The following PDE1C variants were observed in gnomAD, a reference collection of about 807,000 sequenced individuals.
PDE1C encodes the protein dual specificity calcium/calmodulin-dependent 3',5'-cyclic nucleotide phosphodiesterase 1C.
A neutral mutation model predicts 93.1 loss-of-function variants in PDE1C; 62 were observed. The ratio of observed to expected loss-of-function variants is 0.67; its 90% CI spans 0.54 to 0.82. The LOEUF is 0.82. Among genes scored for constraint, PDE1C ranks in the 40% least tolerant of loss-of-function variants. The pLI is 0.00. For synonymous variants in PDE1C, 325 were observed against 310.1 expected (o/e 1.05, Z -0.50); for missense variants, 742 against 884.6 (o/e 0.84, Z 2.04).
intron 1 of PDE1C, among the ~76,000 whole-genome samples, chr7:32,341,173 C>A (rs373950781): frequency 1.2e-5 from 1 of 84,952 alleles, no homozygotes; most frequent in Non-Finnish European, 2.1e-5. Context: ...GAAATAAAGT[C>A]TTTTTTTTTT....
chr7:32,254,276 A>G (rs1440378661), intron 1 of PDE1C, among the ~76,000 whole-genome samples: 1 of 152,164 alleles, frequency 6.6e-6, no homozygotes, highest in Non-Finnish European at 1.5e-5. Context: ...TGGAGGTCCT[A>G]TGTTATGCAG....
upstream of PDE1C, chr7:32,071,245 G>A: frequency 1.0e-6 from 1 of 985,476 alleles, no homozygotes; most frequent in Non-Finnish European, 1.2e-6. Context: ...TAGGAGGGAA[G>A]GGAAATCCTT....
chr7:31,879,907 A>AT (rs912955304), intron 3 of PDE1C, among the ~76,000 whole-genome samples: 569 of 150,742 alleles, frequency 3.8e-3, no homozygotes, highest in African/African-American at 0.013. Context: ...AGGTGTTTGG[A>AT]TTTTTTTTTT....
intron 7 of PDE1C, among the ~76,000 whole-genome samples, chr7:31,863,010 CAT>C (rs1794860398): frequency 6.6e-6 from 1 of 152,092 alleles, no homozygotes; most frequent in Admixed American, 6.6e-5. Context: ...TATCATGTTT[CAT>C]ATTAAAATCC....
intron 3 of PDE1C, among the ~76,000 whole-genome samples, chr7:32,100,208 A>G (rs1289727949): frequency 6.6e-6 from 1 of 152,156 alleles, no homozygotes; most frequent in Non-Finnish European, 1.5e-5. Context: ...GGAAATCAAC[A>G]TTTCTATATG....
chr7:32,287,929 G>A (rs540686550), intron 1 of PDE1C, among the ~76,000 whole-genome samples: 4 of 152,196 alleles, frequency 2.6e-5, no homozygotes, highest in South Asian at 2.1e-4. Flanking sequence ...CTGGCTGGGC[G>A]CAGTGCCTCA....
At chr7:31,834,869 A>G (rs1790861405) in intron 11 of PDE1C, among the ~76,000 whole-genome samples, 1 of 152,084 alleles carries the variant, frequency 6.6e-6, no homozygotes, top group South Asian at 2.1e-4. Context: ...GGGTGGAATG[A>G]CATGGTTTGG....
At chr7:32,326,672 A>G (rs2128075312) in intron 1 of PDE1C, among the ~76,000 whole-genome samples, 1 of 152,344 alleles carries the variant, frequency 6.6e-6, no homozygotes, top group Non-Finnish European at 1.5e-5. Context: ...AACCTGGATT[A>G]GAGTAGGTTT....
intron 2 of PDE1C, among the ~76,000 whole-genome samples, chr7:32,021,413 G>C (rs938359957): frequency 3.3e-5 from 5 of 152,078 alleles, no homozygotes; most frequent in African/African-American, 1.2e-4. Flanking sequence ...CTAGCTTTGA[G>C]TATGTTCTTT....
chr7:32,310,216 A>G (rs1585101793), intron 1 of PDE1C, among the ~76,000 whole-genome samples: 2 of 151,934 alleles, frequency 1.3e-5, no homozygotes, highest in African/African-American at 4.8e-5. Context: ...CTAAATATAT[A>G]TGCACCCAAT....
At chr7:32,389,192 T>TGTGTGG (rs1784703445) in intron 1 of PDE1C, among the ~76,000 whole-genome samples, 1 of 22,190 alleles carries the variant, frequency 4.5e-5, no homozygotes, top group East Asian at 1.6e-3. Context: ...GTGTGTGTGG[T>TGTGTGG]TTTTTTGGTT....
the PDE1C span, among the ~76,000 whole-genome samples, chr7:31,686,241 C>T: frequency 4.6e-5 from 7 of 152,188 alleles, no homozygotes; most frequent in Admixed American, 2.0e-4. Flanking sequence ...CCTGATCTCC[C>T]AGACTGGCCT....
intron 2 of PDE1C, among the ~76,000 whole-genome samples, chr7:32,197,062 A>T (rs1008566488): frequency 3.3e-5 from 5 of 152,194 alleles, no homozygotes; most frequent in African/African-American, 1.2e-4. Context: ...TAAGTTTGGC[A>T]GTTTTTTTGT....
chr7:32,123,377 C>T (rs1006268745), intron 3 of PDE1C, among the ~76,000 whole-genome samples: 2 of 151,852 alleles, frequency 1.3e-5, no homozygotes, highest in African/African-American at 2.4e-5. Context: ...CAGCATCATC[C>T]TGATACCAAA....
chr7:31,686,002 G>A, the PDE1C span, among the ~76,000 whole-genome samples: 1 of 152,212 alleles, frequency 6.6e-6, no homozygotes, highest in Non-Finnish European at 1.5e-5. Context: ...ATCCTGGCAA[G>A]TGGGAGGGAG....
At chr7:32,118,551 A>T (rs1246040838) in intron 3 of PDE1C, among the ~76,000 whole-genome samples, 1 of 152,322 alleles carries the variant, frequency 6.6e-6, no homozygotes, top group Admixed American at 6.5e-5. Flanking sequence ...TTCATAATTT[A>T]TGGTGAACAG....
chr7:31,789,712 T>C, intron 16 of PDE1C: 1 of 985,548 alleles, frequency 1.0e-6, no homozygotes, highest in African/African-American at 1.7e-5. Flanking sequence ...TGTTCCTGAC[T>C]CAGGAAAGGA....
chr7:31,968,596 T>C (rs370451489), intron 2 of PDE1C, among the ~76,000 whole-genome samples: 1 of 152,070 alleles, frequency 6.6e-6, no homozygotes, highest in South Asian at 2.1e-4. Flanking sequence ...CTTCACAGAA[T>C]TGGAAAAAAC....
chr7:31,904,165 C>T (rs191901477), intron 2 of PDE1C, among the ~76,000 whole-genome samples: 18 of 152,150 alleles, frequency 1.2e-4, no homozygotes, highest in African/African-American at 3.4e-4. Flanking sequence ...TGCAGCCTTT[C>T]GGAAAATGCC....
Sources: gnomAD v4.1 joint callset for allele counts (sites outside exome capture counted in the v4.1 genomes callset) on GRCh38, gnomAD v4.1.1 for gene constraint, MANE v1.5 for transcripts, NCBI Gene and HGNC (gene_info 2026-07-23, HGNC 2026-07-21) for gene names.